The following KCTD1 variants were observed in gnomAD, a reference collection of about 807,000 sequenced individuals.
The protein encoded by KCTD1 is BTB/POZ domain-containing protein KCTD1.
KCTD1 carries 24 observed loss-of-function variants against 66.0 expected under a neutral mutation model. That is an observed-to-expected ratio of 0.36 (90% confidence interval 0.26 to 0.51). The LOEUF is 0.51. KCTD1 is among the 20% of genes least tolerant of loss of function. The pLI is 0.95. For missense variants in KCTD1, 943 were observed against 1,205.2 expected (o/e 0.78, Z 3.22); for synonymous variants, 511 against 517.2 (o/e 0.99, Z 0.16).
At chr18:26,623,056 A>G (rs185885176) in intron 1 of KCTD1, among the ~76,000 whole-genome samples, 1 of 151,688 alleles carries the variant, frequency 6.6e-6, no homozygotes, top group Non-Finnish European at 1.5e-5. Flanking sequence ...CATTGTTTTC[A>G]TTTTTAATGT....
intron 1 of KCTD1, among the ~76,000 whole-genome samples, chr18:26,570,323 T>C (rs1028735398): frequency 6.6e-6 from 1 of 151,982 alleles, no homozygotes; most frequent in Non-Finnish European, 1.5e-5. Context: ...AACTCTATTT[T>C]GTCCGAGGAT....
intron 2 of KCTD1, among the ~76,000 whole-genome samples, chr18:26,479,155 C>T (rs769990542): frequency 6.6e-6 from 1 of 152,230 alleles, no homozygotes; most frequent in Non-Finnish European, 1.5e-5. Context: ...AGATCTGAAG[C>T]GAGCACTAGC....
At chr18:26,465,096 C>A (rs577578151) in intron 3 of KCTD1, among the ~76,000 whole-genome samples, 1 of 152,154 alleles carries the variant, frequency 6.6e-6, no homozygotes, top group East Asian at 1.9e-4. Context: ...GGAATAATTT[C>A]TTTTTTAATG....
chr18:26,549,599 G>T (rs1418282301), upstream of KCTD1: 20 of 778,752 alleles, frequency 2.6e-5, no homozygotes, highest in Admixed American at 6.2e-5. Flanking sequence ...TCCCTCGGGC[G>T]AGGCGCTCCA....
chr18:26,635,749 A>G (rs1237390863), intron 1 of KCTD1, among the ~76,000 whole-genome samples: 4 of 152,200 alleles, frequency 2.6e-5, no homozygotes, highest in Non-Finnish European at 2.9e-5. Context: ...TGCTTTGAGG[A>G]CTAAGGAGCC....
intron 1 of KCTD1, among the ~76,000 whole-genome samples, chr18:26,595,421 T>G (rs1287800199): frequency 6.6e-6 from 1 of 152,222 alleles, no homozygotes; most frequent in Admixed American, 6.5e-5. Context: ...GATCACATTT[T>G]CTAGTTTCCC....
At chr18:26,507,165 CAATAATAATAGT>C (rs1983086390) in intron 1 of KCTD1, among the ~76,000 whole-genome samples, 2 of 152,048 alleles carry the variant, frequency 1.3e-5, no homozygotes, top group Non-Finnish European at 1.5e-5. Context: ...AACTCCGTCT[CAATAATAATAGT>C]AATAATAATA....
intron 1 of KCTD1, among the ~76,000 whole-genome samples, chr18:26,523,988 T>A (rs1984038189): frequency 6.6e-6 from 1 of 152,204 alleles, no homozygotes; most frequent in Non-Finnish European, 1.5e-5. Context: ...GGCTCAGCAG[T>A]CATTGAGCAG....
At chr18:26,637,755 C>A (rs1402361821) in intron 1 of KCTD1, among the ~76,000 whole-genome samples, 6 of 152,220 alleles carry the variant, frequency 3.9e-5, no homozygotes, top group Non-Finnish European at 8.8e-5. Flanking sequence ...CTTTGGGGTC[C>A]ACTGACCTGG....
chr18:26,551,556 G>A (rs1262220352), upstream of KCTD1, among the ~76,000 whole-genome samples: 1 of 152,024 alleles, frequency 6.6e-6, no homozygotes, highest in Non-Finnish European at 1.5e-5. Flanking sequence ...ATTAAATACT[G>A]GAAAAGAAGA....
intron 1 of KCTD1, among the ~76,000 whole-genome samples, chr18:26,627,262 TTGTGTGTGTGTGTGTGTG>T (rs59902249): frequency 8.4e-4 from 123 of 146,038 alleles, no homozygotes; most frequent in African/African-American, 2.9e-3. Flanking sequence ...CTTCTGGGTT[TTGTGTGTGTGTGTGTGTG>T]TGTGTGTGTG....
intron 4 of KCTD1, chr18:26,456,458 T>TTGA (rs1420934368): frequency 1.3e-5 from 2 of 152,216 alleles, no homozygotes; most frequent in African/African-American, 4.8e-5. Context: ...GCCTGGAAGA[T>TTGA]TGATGTAATT....
chr18:26,651,481 A>G (rs1988032602), intron 1 of KCTD1, among the ~76,000 whole-genome samples: 1 of 152,118 alleles, frequency 6.6e-6, no homozygotes, highest in African/African-American at 2.4e-5. Context: ...AGAGTCTGAG[A>G]TCTATTTAGA....
chr18:26,590,801 T>C (rs1394423483), intron 1 of KCTD1, among the ~76,000 whole-genome samples: 1 of 152,258 alleles, frequency 6.6e-6, no homozygotes, highest in East Asian at 1.9e-4. Flanking sequence ...AGTATCACAT[T>C]TTATCTTGTG....
chr18:26,501,146 C>A lies in KCTD1; in HGVS notation c.1914G>T (p.Ala638=). The A allele has an allele frequency of 6.2e-7, 1 of 1,614,146 alleles. No homozygotes were observed. The highest frequency in any genetic ancestry group is 1.3e-5 in the African/African-American group (1 of 75,036). The change falls in exon 2 of 5, where the codon GCG becomes GCT. Residue 638 remains alanine (A), a synonymous_variant. Coordinates refer to ENST00000580059, the MANE Select transcript of KCTD1 (RefSeq NM_001142730.3). The stretch of plus-strand genomic sequence containing the variant: ...GGCCGCCCACATCAATGTGGACAGG[C>A]GCATTGGATTTTGTGAGTTGTGCTG... ...PTPAQLTKSN[A]PVHIDVGGHM...
chr18:26,593,606 A>C (rs1986683522), intron 1 of KCTD1, among the ~76,000 whole-genome samples: 1 of 144,104 alleles, frequency 6.9e-6, no homozygotes, highest in East Asian at 2.2e-4. Flanking sequence ...AGGAGGGAGA[A>C]GGAAGACAAG....
intron 2 of KCTD1, among the ~76,000 whole-genome samples, chr18:26,483,586 A>T (rs556009441): frequency 1.3e-5 from 2 of 152,296 alleles, no homozygotes; most frequent in African/African-American, 4.8e-5. Context: ...TTTTCTATTG[A>T]ACCATTTTGT....
chr18:26,459,374 C>T, intron 4 of KCTD1: 1 of 446,226 alleles, frequency 2.2e-6, no homozygotes, highest in South Asian at 4.3e-5. Context: ...TAGGCGTGTG[C>T]CACCGTGCCC....
chr18:26,547,074 G>T lies in KCTD1; in HGVS notation c.1463C>A (p.Ala488Glu). 6.5e-7 allele frequency: 1 copy of T among 1,533,492 alleles called. No individual in the cohort carries two copies. 95.0% of individuals were successfully genotyped at this position (1,533,492 alleles called of 1,614,324 possible). Residue 488 changes from alanine (A) to glutamate (E), a missense_variant, in exon 1 of 5, where the codon GCA becomes GAA. Ala to Glu is a moderately radical substitution (Grantham distance 107). This residue lies in a region of KCTD1 where 197 missense variants were observed against 182.7 expected (regional missense o/e 1.08). Coordinates refer to ENST00000580059, the MANE Select transcript of KCTD1 (RefSeq NM_001142730.3). ...GCYAEALNGA[A>E]RHHSHHPPTH... is the part of the protein sequence containing the mutation. ...GGGGGGGTGGTGGGAGTGGTGCCGT[G>T]CCGCCCCGTTCAGAGCCTCGGCGTA...
Sources: gnomAD v4.1 joint callset for allele counts (sites outside exome capture counted in the v4.1 genomes callset) on GRCh38, gnomAD v4.1.1 for gene constraint, gnomAD v4.1.1 regional missense constraint, MANE v1.5 for transcripts, NCBI Gene and HGNC (gene_info 2026-07-23, HGNC 2026-07-21) for gene names.